The following VPS13B variants were observed in gnomAD, a reference collection of about 807,000 sequenced individuals.
VPS13B encodes the protein vacuolar protein sorting 13 homolog B.
A neutral mutation model predicts 426.4 loss-of-function variants in VPS13B; 285 were observed. The ratio of observed to expected loss-of-function variants is 0.67; its 90% CI spans 0.61 to 0.74. The LOEUF is 0.74. Among genes scored for constraint, VPS13B ranks in the 30% least tolerant of loss-of-function variants. The probability of loss-of-function intolerance (pLI) is 0.00; values close to 1 mark genes in which losing one functional copy is unlikely to be tolerated. For synonymous variants in VPS13B, 1,676 were observed against 1,676.4 expected, an observed-to-expected ratio of 1.00 and a Z score of 0.01; for missense variants, 4,537 against 4,782.6, an observed-to-expected ratio of 0.95 and a Z score of 1.51.
rs371655196 is a variant in VPS13B, at chr8:99,401,851, C to T, written c.3082+10147C>T. On this transcript the variant is annotated intron_variant, in intron 21 of 61. Transcript: ENST00000357162. ...ACTGCACCCAACCTGGGCTACAGAG[C>T]GAGACTCCATCTCTAAATACATAAA... is the stretch of plus-strand genomic sequence containing the variant. Among the ~76,000 whole-genome samples, 6 of 152,152 alleles carry T rather than the reference C, an allele frequency of 3.9e-5. No individual in the cohort carries two copies. In the South Asian group the frequency reaches 6.2e-4, roughly 16 times the overall value.
chr8:99,433,870 G>A (rs760107880), intron 22 of VPS13B, among the ~76,000 whole-genome samples: 9 of 152,050 alleles, frequency 5.9e-5, no homozygotes, highest in East Asian at 5.8e-4. Flanking sequence ...GCAGTGATGC[G>A]ATCTCAACTC....
chr8:99,618,446 G>A (rs1828205109), intron 33 of VPS13B, among the ~76,000 whole-genome samples: 1 of 152,136 alleles, frequency 6.6e-6, no homozygotes, highest in Non-Finnish European at 1.5e-5. Context: ...ATTCTCAAAA[G>A]CACAAGGAAA....
At chr8:99,060,693 A>G (rs1050958185) in intron 3 of VPS13B, among the ~76,000 whole-genome samples, 1 of 152,174 alleles carries the variant, frequency 6.6e-6, no homozygotes, top group Non-Finnish European at 1.5e-5. Flanking sequence ...TATGAAAATG[A>G]AACTTGGCAT....
At chr8:99,488,634 A>G (rs925138115) in intron 25 of VPS13B, among the ~76,000 whole-genome samples, 2 of 152,136 alleles carry the variant, frequency 1.3e-5, no homozygotes, top group African/African-American at 2.4e-5. Context: ...TTTTTATTTT[A>G]TATACTAGAA....
chr8:99,301,531 C>T (rs1367260114), intron 19 of VPS13B, among the ~76,000 whole-genome samples: 1 of 152,038 alleles, frequency 6.6e-6, no homozygotes, highest in Non-Finnish European at 1.5e-5. Flanking sequence ...CTCAGGTGAT[C>T]TGCCTGCCTC....
intron 23 of VPS13B, among the ~76,000 whole-genome samples, chr8:99,461,620 T>G (rs1006301297): frequency 6.6e-6 from 1 of 152,192 alleles, no homozygotes; most frequent in African/African-American, 2.4e-5. Flanking sequence ...TTAATGGAAG[T>G]CAGTGAAAGC....
At chr8:99,527,571 T>C (rs933238785) in intron 30 of VPS13B, among the ~76,000 whole-genome samples, 7 of 152,126 alleles carry the variant, frequency 4.6e-5, no homozygotes, top group African/African-American at 1.7e-4. Context: ...ATTTATACCA[T>C]AGTCCTGAAG....
chr8:99,698,575 C>A (rs1399727692), intron 35 of VPS13B, among the ~76,000 whole-genome samples: 1 of 152,170 alleles, frequency 6.6e-6, no homozygotes, highest in Non-Finnish European at 1.5e-5. Flanking sequence ...TGCCTAATAA[C>A]TTTGCTAGTC....
At chr8:99,563,271 CTAGTA>C (rs1180508413) in intron 31 of VPS13B, among the ~76,000 whole-genome samples, 4 of 152,146 alleles carry the variant, frequency 2.6e-5, no homozygotes, top group African/African-American at 9.7e-5. Flanking sequence ...TAATATTATT[CTAGTA>C]TATGTCCTGT....
intron 43 of VPS13B, among the ~76,000 whole-genome samples, chr8:99,785,710 A>G (rs1020854283): frequency 2.6e-5 from 4 of 151,988 alleles, no homozygotes; most frequent in Non-Finnish European, 5.9e-5. Context: ...TTTTTTTCCT[A>G]TGGACTACAA....
chr8:99,804,391 A>G (rs1342387974), intron 43 of VPS13B: 1 of 152,224 alleles, frequency 6.6e-6, no homozygotes, highest in Non-Finnish European at 1.5e-5. Flanking sequence ...GGGTGACCAC[A>G]TTCACCAGGA....
intron 23 of VPS13B, among the ~76,000 whole-genome samples, chr8:99,448,732 A>G (rs1201959915): frequency 1.3e-5 from 2 of 152,078 alleles, no homozygotes; most frequent in East Asian, 1.9e-4. Flanking sequence ...GTCATTTGCT[A>G]TTTACACACA....
intron 56 of VPS13B, among the ~76,000 whole-genome samples, chr8:99,854,613 C>A (rs1298504921): frequency 6.6e-6 from 1 of 152,072 alleles, no homozygotes; most frequent in African/African-American, 2.4e-5. Flanking sequence ...CAGTTTAGCA[C>A]ACACTTTTTT....
chr8:99,663,776 T>C (rs986459165), intron 35 of VPS13B, among the ~76,000 whole-genome samples: 3 of 152,126 alleles, frequency 2.0e-5, no homozygotes, highest in Admixed American at 6.6e-5. Flanking sequence ...TAGTTTCACA[T>C]TCGTTTTGTT....
At chr8:99,106,024 T>G (rs923891220) in intron 5 of VPS13B, among the ~76,000 whole-genome samples, 2 of 152,324 alleles carry the variant, frequency 1.3e-5, no homozygotes, top group African/African-American at 2.4e-5. Flanking sequence ...ATTATCTTGT[T>G]TAACCCTTTA....
At chr8:99,855,907 G>T (rs903892640) in intron 56 of VPS13B, among the ~76,000 whole-genome samples, 3 of 152,198 alleles carry the variant, frequency 2.0e-5, no homozygotes, top group African/African-American at 4.8e-5. Context: ...TAATAGATGG[G>T]TGTATTTATA....
intron 33 of VPS13B, among the ~76,000 whole-genome samples, chr8:99,612,894 T>A (rs1288894346): frequency 6.6e-6 from 1 of 152,134 alleles, no homozygotes; most frequent in Non-Finnish European, 1.5e-5. Context: ...ATCATTCCTT[T>A]ACTCCTGCTA....
chr8:99,829,735 A>T (rs1030861309), intron 51 of VPS13B, among the ~76,000 whole-genome samples: 2 of 152,152 alleles, frequency 1.3e-5, no homozygotes, highest in African/African-American at 4.8e-5. Context: ...TCATGGATTT[A>T]TCTACCTTTG....
chr8:99,531,961 A>C (rs1822957709), intron 30 of VPS13B, among the ~76,000 whole-genome samples: 1 of 152,110 alleles, frequency 6.6e-6, no homozygotes, highest in Admixed American at 6.5e-5. Flanking sequence ...TTTTTTCAAG[A>C]GTATTTCATT....
Sources: gnomAD v4.1 joint callset for allele counts (sites outside exome capture counted in the v4.1 genomes callset) on GRCh38, gnomAD v4.1.1 for gene constraint, MANE v1.5 for transcripts, NCBI Gene and HGNC (gene_info 2026-07-23, HGNC 2026-07-21) for gene names.